Variants in PSMD1 observed in about 807,000 individuals in gnomAD.
The protein encoded by PSMD1 is proteasome 26S subunit, non-ATPase 1, also known as 26S proteasome non-ATPase regulatory subunit 1.
In PSMD1, 18 loss-of-function variants were observed where a neutral mutation model predicts 119.0. That is an observed-to-expected ratio of 0.15 (90% CI 0.10 to 0.22). The LOEUF (loss-of-function observed/expected upper bound fraction) is 0.22. Ranked by LOEUF, PSMD1 falls within the 10% of genes least tolerant of loss-of-function variation. The pLI is 1.00. For missense variants in PSMD1, 702 were observed against 1,158.5 expected (o/e 0.61, Z 5.72); for synonymous variants, 374 against 396.6 (o/e 0.94, Z 0.68).
At chr2:231,076,711 C>CTCAATTA (rs1337103908) in intron 8 of PSMD1, among the ~76,000 whole-genome samples, 1 of 151,762 alleles carries the variant, frequency 6.6e-6, no homozygotes, top group Non-Finnish European at 1.5e-5. Flanking sequence ...TTCTCAGTTT[C>CTCAATTA]AAGTAGGAAG....
In PSMD1 at chr2:231,153,671, A is replaced by G. The variant is rs902603672; in HGVS notation, c.2218+5A>G. 6.4e-6 allele frequency: 10 copies of G among 1,574,468 alleles called. No individual in the cohort carries two copies. The highest frequency in any genetic ancestry group is 7.0e-6 in the Non-Finnish European group (8 of 1,148,982). Reference sequence around the variant, plus strand: ...CCCAGGGCATACTGGATGCAGGTAAATGTTTTTAAGTCTTCAAGATTTATT... The same window carrying G: ...CCCAGGGCATACTGGATGCAGGTAAGTGTTTTTAAGTCTTCAAGATTTATT... On this transcript the variant is annotated splice_donor_5th_base_variant and intron_variant, in intron 19 of 24. Coordinates refer to ENST00000308696, the MANE Select transcript of PSMD1 (RefSeq NM_002807.4).
chr2:231,101,819 T>G (rs1300802911), intron 16 of PSMD1, among the ~76,000 whole-genome samples: 1 of 152,104 alleles, frequency 6.6e-6, no homozygotes, highest in Non-Finnish European at 1.5e-5. Flanking sequence ...TAAAGGTTGT[T>G]GGGTTGTTTG....
intron 15 of PSMD1, among the ~76,000 whole-genome samples, chr2:231,086,473 G>A (rs143431227): frequency 1.6e-3 from 246 of 152,104 alleles, no homozygotes; most frequent in African/African-American, 5.5e-3. Flanking sequence ...CATGTCCAAC[G>A]TGGTGAAACC....
intron 6 of PSMD1, among the ~76,000 whole-genome samples, chr2:231,071,807 A>G (rs1240475480): frequency 1.3e-5 from 2 of 152,222 alleles, no homozygotes; most frequent in Non-Finnish European, 2.9e-5. Context: ...AACACAATGT[A>G]TGTTAAATGA....
intron 16 of PSMD1, among the ~76,000 whole-genome samples, chr2:231,127,339 A>T (rs1017918603): frequency 6.6e-6 from 1 of 151,162 alleles, no homozygotes; most frequent in African/African-American, 2.4e-5. Context: ...AGAGACTTGT[A>T]CCTTTTTTTG....
intron 16 of PSMD1, among the ~76,000 whole-genome samples, chr2:231,097,083 A>G (rs1694745952): frequency 6.6e-6 from 1 of 152,186 alleles, no homozygotes; most frequent in African/African-American, 2.4e-5. Flanking sequence ...TTTCTTTTCA[A>G]ACTTTTTTAC....
At position 231,060,890 on chromosome 2, in the gene PSMD1, T is replaced by G. The variant is rs1402964295; in HGVS notation, c.17-377T>G. On this transcript the variant is annotated intron_variant, in intron 1 of 24. Coordinates refer to ENST00000308696, the MANE Select transcript of PSMD1 (RefSeq NM_002807.4). ...AATCAGTAAATTAGGCCAATGGTTC[T>G]CAAACTATAGAGAGCAAAAGAATCA... Among the ~76,000 whole-genome samples, 13 of 152,328 alleles carry G rather than the reference T, an allele frequency of 8.5e-5. No homozygotes were observed. In the East Asian group the frequency reaches 2.5e-3, roughly 29 times the overall value.
intron 24 of PSMD1, among the ~76,000 whole-genome samples, chr2:231,171,003 G>A: frequency 6.6e-6 from 1 of 152,266 alleles, no homozygotes; most frequent in Non-Finnish European, 1.5e-5. Flanking sequence ...TCCAGAATCT[G>A]TCTGCTCAAC....
intron 16 of PSMD1, among the ~76,000 whole-genome samples, chr2:231,133,875 A>G (rs190715494): frequency 1.1e-4 from 16 of 152,362 alleles, no homozygotes; most frequent in African/African-American, 3.8e-4. Context: ...TGTGCAGTTT[A>G]TGGTCCAATG....
intron 19 of PSMD1, among the ~76,000 whole-genome samples, chr2:231,156,434 G>A (rs1182656773): frequency 6.6e-6 from 1 of 151,950 alleles, no homozygotes; most frequent in Non-Finnish European, 1.5e-5. Context: ...AATGACATGT[G>A]TCTACCATAA....
chr2:231,088,069 G>A lies in PSMD1; in HGVS notation c.1883+888G>A, dbSNP rs570909204. Among the ~76,000 whole-genome samples the A allele has an allele frequency of 1.6e-4, 24 of 152,084 alleles. No individual in the cohort carries two copies. In the East Asian group the frequency reaches 3.9e-3, roughly 24 times the overall value. On this transcript the variant is annotated intron_variant, in intron 16 of 24. Transcript: ENST00000308696. ...TCAGCAAGTTGCTCAACCTCTTTGC[G>A]CCTCAGTTTCCTTGTCTTTAAAATG... is the stretch of plus-strand genomic sequence containing the variant.
intron 17 of PSMD1, among the ~76,000 whole-genome samples, chr2:231,145,553 T>G (rs1385080658): frequency 1.3e-5 from 2 of 152,132 alleles, no homozygotes; most frequent in African/African-American, 4.8e-5. Context: ...TTTAATAAAT[T>G]TTTAATTATT....
intron 20 of PSMD1, 126 bp from the exon 21 acceptor site, chr2:231,163,509 A>AGAGAG (rs1696686401): frequency 1.7e-6 from 1 of 595,056 alleles, no homozygotes; most frequent in African/African-American, 1.9e-5. Context: ...CATGGCTTTC[A>AGAGAG]GAGAGGAGTC....
chr2:231,117,637 T>C (rs1235890982), intron 16 of PSMD1, among the ~76,000 whole-genome samples: 2 of 152,110 alleles, frequency 1.3e-5, no homozygotes, highest in Non-Finnish European at 2.9e-5. Context: ...CTGCCATGCA[T>C]GAGGGATGGT....
chr2:231,107,208 A>C (rs533939350), intron 16 of PSMD1, among the ~76,000 whole-genome samples: 28 of 152,356 alleles, frequency 1.8e-4, no homozygotes, highest in African/African-American at 6.7e-4. Context: ...TTTATGTATT[A>C]GAGCCGCATT....
intron 23 of PSMD1, among the ~76,000 whole-genome samples, chr2:231,169,060 T>C (rs180909135): frequency 1.6e-3 from 243 of 151,942 alleles, no homozygotes; most frequent in African/African-American, 5.8e-3. Flanking sequence ...GTGTGAACTT[T>C]CCCACCAACA....
chr2:231,107,461 A>G (rs17619588), intron 16 of PSMD1, among the ~76,000 whole-genome samples: 22,249 of 152,158 alleles, frequency 0.15, 3,372 homozygotes, highest in African/African-American at 0.38. Context: ...GAGCATTAAA[A>G]TATATATCAA....
intron 12 of PSMD1, 127 bp downstream of exon 12, chr2:231,080,441 A>T: frequency 1.6e-6 from 1 of 620,968 alleles, no homozygotes; most frequent in Non-Finnish European, 2.4e-6. Flanking sequence ...GTCATCTTGG[A>T]TTTTTTTTTT....
chr2:231,152,784 A>G (rs370510423), intron 18 of PSMD1, among the ~76,000 whole-genome samples: 2 of 152,234 alleles, frequency 1.3e-5, no homozygotes, highest in African/African-American at 4.8e-5. Context: ...CTACCATTTG[A>G]AAAGCACTGT....
Sources: allele counts gnomAD v4.1 joint callset (sites outside exome capture counted in the v4.1 genomes callset), GRCh38; gene constraint gnomAD v4.1.1; transcripts MANE v1.5; gene names NCBI Gene and HGNC (gene_info 2026-07-23, HGNC 2026-07-21).